The following MAP3K14 variants were observed in gnomAD, a reference collection of about 807,000 sequenced individuals.
MAP3K14 encodes mitogen-activated protein kinase kinase kinase 14.
A neutral mutation model predicts 99.2 loss-of-function variants in MAP3K14; 16 were observed. The ratio of observed to expected loss-of-function variants is 0.16; its 90% CI spans 0.11 to 0.24. The LOEUF (loss-of-function observed/expected upper bound fraction) is 0.24, where lower values mean the gene tolerates loss of function less well. MAP3K14 is among the 10% of genes least tolerant of loss of function. MAP3K14 has a pLI of 1.00. For synonymous variants in MAP3K14, 462 were observed against 492.4 expected (o/e 0.94, Z 0.82); for missense variants, 784 against 1,208.7 (o/e 0.65, Z 5.21).
At position 45,267,918 on chromosome 17, in the gene MAP3K14, G is replaced by A. The variant is rs2044108734; in HGVS notation, c.1973-159C>T. ...GGAGGTGGCTCCAGAGGGCAGCATG[G>A]TGGTCTCCACAGGAGACTTCCTCAA... On this transcript the variant is annotated intron_variant, in intron 11 of 15. Coordinates refer to ENST00000344686, the MANE Select transcript of MAP3K14 (RefSeq NM_003954.5). The surrounding 1 kb of genome is among the most constrained non-coding windows in gnomAD (Gnocchi z 5.1). The A allele has an allele frequency of 3.2e-6, 2 of 631,776 alleles. No individual in the cohort carries two copies. Among genetic ancestry groups the A allele is most frequent in the East Asian group, 5.6e-5 (2 of 35,758 alleles). 39.1% of individuals were successfully genotyped at this position (631,776 alleles called of 1,614,324 possible).
intron 11 of MAP3K14, chr17:45,268,441 T>C (rs1017304514): frequency 1.3e-5 from 2 of 152,204 alleles, no homozygotes; most frequent in Non-Finnish European, 2.9e-5. Context: ...TTTAAAGAGA[T>C]GAGGTCTCAT....
chr17:45,271,007 C>T (rs2044138577), intron 10 of MAP3K14, 51 bp downstream of exon 10: 1 of 1,586,288 alleles, frequency 6.3e-7, no homozygotes, highest in South Asian at 1.1e-5. Flanking sequence ...CAGCCTGGGC[C>T]CCAGGGCCCT....
At chr17:45,266,995 G>T in intron 13 of MAP3K14, 97 bp downstream of exon 13, 1 of 919,550 alleles carries the variant, frequency 1.1e-6, no homozygotes, top group Non-Finnish European at 1.7e-6. Context: ...CTTGCACAGT[G>T]TCCATTCACT....
intron 1 of MAP3K14, among the ~76,000 whole-genome samples, chr17:45,315,015 C>CAAA: frequency 7.8e-6 from 1 of 128,620 alleles, no homozygotes; most frequent in Admixed American, 8.0e-5. Flanking sequence ...TATCAATCAC[C>CAAA]AAAAAAAAAA....
At position 45,264,769 on chromosome 17, in the gene MAP3K14, T is replaced by C; in HGVS notation, c.2711A>G (p.Lys904Arg). The C allele has an allele frequency of 3.7e-6, 6 of 1,613,520 alleles. No homozygotes were observed. Among genetic ancestry groups the C allele is most frequent in the Non-Finnish European group, 5.1e-6 (6 of 1,179,718 alleles). Reference sequence around the variant, plus strand: ...GTCGTAGCGAACAGGCTGCCCGTCTTTGGTGACCAAGCTGAAGGCTGCAGC... The same window carrying C: ...GTCGTAGCGAACAGGCTGCCCGTCTCTGGTGACCAAGCTGAAGGCTGCAGC... Reference protein sequence around the residue: ...IPAAAFSLVTKDGQPVRYDME... With the variant: ...IPAAAFSLVTRDGQPVRYDME... The change falls in exon 16 of 16, where the codon AAA (lysine) becomes AGA (arginine). Residue 904 changes from lysine (K) to arginine (R), a missense_variant. This residue lies in a region of MAP3K14 where 130 missense variants were observed against 220.4 expected (regional missense o/e 0.59). Coordinates refer to ENST00000344686, the MANE Select transcript of MAP3K14 (RefSeq NM_003954.5).
chr17:45,287,744 A>T (rs2044278918), intron 3 of MAP3K14, among the ~76,000 whole-genome samples: 1 of 152,194 alleles, frequency 6.6e-6, no homozygotes, highest in African/African-American at 2.4e-5. Context: ...CTGCTCTCCA[A>T]GGTGAGCTGC....
chr17:45,308,707 G>A (rs754425478), intron 1 of MAP3K14, among the ~76,000 whole-genome samples: 2 of 148,614 alleles, frequency 1.3e-5, no homozygotes, highest in South Asian at 2.1e-4. Context: ...TTGCTCTGTC[G>A]CCCAGGCTGG....
chr17:45,279,439 CT>C (rs879475374), intron 6 of MAP3K14, among the ~76,000 whole-genome samples: 192 of 136,154 alleles, frequency 1.4e-3, no homozygotes, highest in Middle Eastern at 4.7e-3. Flanking sequence ...CTTTGGTATT[CT>C]TTTTTTTTTT....
intron 1 of MAP3K14, among the ~76,000 whole-genome samples, chr17:45,307,284 A>G (rs1598265986): frequency 6.6e-6 from 1 of 152,024 alleles, no homozygotes; most frequent in East Asian, 1.9e-4. Flanking sequence ...AAATTAATTA[A>G]TTAATTAATT....
intron 6 of MAP3K14, among the ~76,000 whole-genome samples, chr17:45,279,507 A>C (rs1598250374): frequency 6.6e-6 from 1 of 151,006 alleles, no homozygotes; most frequent in African/African-American, 2.4e-5. Context: ...ATCTTGGCTC[A>C]CTGCAACCTC....
intron 1 of MAP3K14, among the ~76,000 whole-genome samples, chr17:45,308,508 A>G (rs1346636027): frequency 6.6e-6 from 1 of 152,028 alleles, no homozygotes; most frequent in East Asian, 1.9e-4. Context: ...ACTTTGAACT[A>G]TATTTTCTTT....
chr17:45,278,679 C>CTTTTT (rs34562745), intron 6 of MAP3K14, among the ~76,000 whole-genome samples: 1 of 139,166 alleles, frequency 7.2e-6, no homozygotes, highest in African/African-American at 2.7e-5. Flanking sequence ...CCATGCTGAA[C>CTTTTT]TTTTTTTTTT....
intron 6 of MAP3K14, among the ~76,000 whole-genome samples, chr17:45,282,508 T>C (rs1229044497): frequency 6.9e-6 from 1 of 144,190 alleles, no homozygotes; most frequent in Non-Finnish European, 1.5e-5. Context: ...TGAGCTGTGA[T>C]CATGCCACTG....
At chr17:45,296,779 T>C (rs1387136229) in intron 1 of MAP3K14, among the ~76,000 whole-genome samples, 1 of 152,204 alleles carries the variant, frequency 6.6e-6, no homozygotes, top group African/African-American at 2.4e-5. Context: ...GCCCACCCTG[T>C]TCCTCCCATA....
chr17:45,315,213 G>C (rs2143891381), intron 1 of MAP3K14, among the ~76,000 whole-genome samples: 1 of 152,114 alleles, frequency 6.6e-6, no homozygotes, highest in South Asian at 2.1e-4. Flanking sequence ...TTGTTTAATA[G>C]AGGGAGACTG....
intron 6 of MAP3K14, among the ~76,000 whole-genome samples, chr17:45,277,643 C>A (rs945103478): frequency 5.3e-5 from 8 of 152,132 alleles, no homozygotes; most frequent in Non-Finnish European, 1.2e-4. Context: ...CTAACCACCC[C>A]CAAACTGAGC....
Position 45,286,742 on chromosome 17 carries a change from C to A in MAP3K14, c.841G>T (p.Glu281Ter). 1 of 1,611,002 alleles carries A rather than the reference C, an allele frequency of 6.2e-7. No homozygotes were observed. Among genetic ancestry groups the A allele is most frequent in the Non-Finnish European group, 8.5e-7 (1 of 1,178,622 alleles). ...CAGGCCAGTTTGCCCAGGAAGGACT[C>A]CAGAGGGTGAGGTTTCCAGGGCTGG... ...PLQPWKPHPL[E>*]SFLGKLACVD... The change falls in exon 5 of 16, where the codon GAG (glutamate) becomes TAG (stop). Residue 281 changes from glutamate to a stop codon, truncating the protein, a stop_gained. Coordinates refer to ENST00000344686, the MANE Select transcript of MAP3K14 (RefSeq NM_003954.5). LOFTEE classifies it high-confidence loss of function. This position sits in a 1 kb window ranked among gnomAD's most constrained non-coding sequence, Gnocchi z 4.1.
rs1428847905 is a variant in MAP3K14, at chr17:45,267,882, G to A, written c.1973-123C>T. 2.1e-5 allele frequency: 16 copies of A among 779,424 alleles called. No individual in the cohort carries two copies. The highest frequency in any genetic ancestry group is 1.1e-4 in the Admixed American group (4 of 37,038). The allele number at this position is 779,424 out of a possible 1,614,324, so 48.3% of individuals were successfully genotyped here. A position where few individuals can be genotyped will look rare whatever the true frequency, so the allele number is the denominator to read the frequency against. On this transcript the variant is annotated intron_variant, in intron 11 of 15. Coordinates refer to ENST00000344686, the MANE Select transcript of MAP3K14 (RefSeq NM_003954.5). The surrounding 1 kb of genome is among the most constrained non-coding windows in gnomAD (Gnocchi z 5.1). The stretch of plus-strand genomic sequence containing the variant: ...CAAACAAAGGGGAGGACACTGCCCC[G>A]GGCCACCATGGGAGGTGGCTCCAGA...
intron 3 of MAP3K14, among the ~76,000 whole-genome samples, chr17:45,288,376 C>CG (rs2044284475): frequency 1.8e-5 from 2 of 111,568 alleles, no homozygotes; most frequent in Non-Finnish European, 3.7e-5. Context: ...AGCTTGAACT[C>CG]TTGTTTTTTT....
Sources: allele counts gnomAD v4.1 joint callset (sites outside exome capture counted in the v4.1 genomes callset), GRCh38; gene constraint gnomAD v4.1.1; regional missense constraint gnomAD v4.1.1; non-coding constraint Gnocchi (gnomAD v3.1); transcripts MANE v1.5; gene names NCBI Gene and HGNC (gene_info 2026-07-23, HGNC 2026-07-21).